SLC14A2: variants seen among roughly 807,000 people sequenced by gnomAD.
The protein encoded by SLC14A2 is urea transporter 2.
SLC14A2 carries 91 observed loss-of-function variants against 104.6 expected under a neutral mutation model. That is an observed-to-expected ratio of 0.87 (90% CI 0.73 to 1.04). The LOEUF is 1.04. Ranked by LOEUF, SLC14A2 falls within the 50% of genes least tolerant of loss-of-function variation. The probability of loss-of-function intolerance (pLI) is 0.00; values close to 1 mark genes in which losing one functional copy is unlikely to be tolerated. For synonymous variants in SLC14A2, 476 were observed against 466.4 expected (o/e 1.02, Z -0.27); for missense variants, 1,189 against 1,156.0 (o/e 1.03, Z -0.41).
intron 1 of SLC14A2, among the ~76,000 whole-genome samples, chr18:45,424,651 A>T (rs1287974453): frequency 6.6e-6 from 1 of 152,216 alleles, no homozygotes; most frequent in Non-Finnish European, 1.5e-5. Flanking sequence ...TGACTTTCAA[A>T]CATGCTGTGA....
At chr18:45,457,243 T>C (rs1299192980) in intron 1 of SLC14A2, among the ~76,000 whole-genome samples, 1 of 151,906 alleles carries the variant, frequency 6.6e-6, no homozygotes, top group Non-Finnish European at 1.5e-5. Context: ...ATCAATAGAG[T>C]ACAGTAAACA....
the SLC14A2 span, among the ~76,000 whole-genome samples, chr18:45,189,549 T>C: frequency 6.6e-6 from 1 of 152,214 alleles, no homozygotes. Flanking sequence ...AGTAGAATGA[T>C]TGAGACGCTG....
At chr18:45,275,153 G>C (rs1376983800) in intron 1 of SLC14A2, among the ~76,000 whole-genome samples, 1 of 152,146 alleles carries the variant, frequency 6.6e-6, no homozygotes, top group Non-Finnish European at 1.5e-5. Context: ...ACATGTGGTA[G>C]TTTCACATTT....
intron 1 of SLC14A2, among the ~76,000 whole-genome samples, chr18:45,406,550 C>T (rs746129023): frequency 1.3e-5 from 2 of 152,146 alleles, no homozygotes; most frequent in Non-Finnish European, 2.9e-5. Flanking sequence ...AGTGAATCCT[C>T]TCCAGAAGGT....
At chr18:45,577,594 A>G (rs1198238059) in intron 2 of SLC14A2, among the ~76,000 whole-genome samples, 2 of 152,176 alleles carry the variant, frequency 1.3e-5, no homozygotes, top group African/African-American at 4.8e-5. Flanking sequence ...TGCTAAATCC[A>G]ATTGCCCATC....
intron 1 of SLC14A2, among the ~76,000 whole-genome samples, chr18:45,393,387 A>G (rs532129296): frequency 4.5e-4 from 69 of 152,288 alleles, no homozygotes; most frequent in African/African-American, 1.6e-3. Context: ...CCCTTGATCA[A>G]AGCCTTGTCC....
chr18:45,295,250 G>A (rs546961922), intron 1 of SLC14A2, among the ~76,000 whole-genome samples: 1 of 152,126 alleles, frequency 6.6e-6, no homozygotes, highest in Admixed American at 6.5e-5. Context: ...GTTCCCCATT[G>A]TCCGTTCACA....
chr18:45,237,174 T>A (rs893531092), intron 1 of SLC14A2, among the ~76,000 whole-genome samples: 24 of 152,170 alleles, frequency 1.6e-4, no homozygotes, highest in African/African-American at 5.6e-4. Flanking sequence ...GCAGCTCAAC[T>A]GGGGCTCGCC....
chr18:45,615,709 C>T (rs2045054208), intron 1 of SLC14A2, 127 bp downstream of exon 1: 1 of 151,556 alleles, frequency 6.6e-6, no homozygotes, highest in Non-Finnish European at 1.5e-5. Context: ...GGTATTCTGT[C>T]TCCACTGTGC....
At chr18:45,682,269 T>G in intron 19 of SLC14A2, 50 bp from the exon 20 acceptor site, 1 of 1,552,042 alleles carries the variant, frequency 6.4e-7, no homozygotes, top group Non-Finnish European at 8.9e-7. Flanking sequence ...CTGATTAAAA[T>G]GCACAGGCAC....
At position 45,289,751 on chromosome 18, in the gene SLC14A2, A is replaced by G. The variant is rs975526569; in HGVS notation, c.-125+76560A>G. 7.2e-5 allele frequency among the ~76,000 whole-genome samples: 11 copies of G among 152,256 alleles called. No individual in the cohort carries two copies. The East Asian group carries it at 2.1e-3, about 29-fold the overall frequency. ...AGGTGGTGTCTGTTCCCCTGGATGA[A>G]ATGTTAAGTCCCAAAGACTGTCCTA... On this transcript the variant is annotated intron_variant, in intron 1 of 20. Transcript: ENST00000586448.
At chr18:45,170,968 G>A in the SLC14A2 span, among the ~76,000 whole-genome samples, 2 of 152,024 alleles carry the variant, frequency 1.3e-5, no homozygotes, top group African/African-American at 4.8e-5. Context: ...AATCTAGTTA[G>A]GGAAATCAGA....
At chr18:45,669,197 C>T (rs376987600) in intron 15 of SLC14A2, 109 bp from the exon 16 acceptor site, 9 of 860,636 alleles carry the variant, frequency 1.0e-5, no homozygotes, top group Middle Eastern at 3.6e-4. Flanking sequence ...AGAGAATACC[C>T]AGCAGGCTGC....
At chr18:45,294,876 G>A (rs923710865) in intron 1 of SLC14A2, among the ~76,000 whole-genome samples, 1 of 152,122 alleles carries the variant, frequency 6.6e-6, no homozygotes, top group Non-Finnish European at 1.5e-5. Flanking sequence ...ATGCAGTTTG[G>A]GGAACCCAGT....
chr18:45,426,915 A>C (rs533561632), intron 1 of SLC14A2, among the ~76,000 whole-genome samples: 1 of 152,228 alleles, frequency 6.6e-6, no homozygotes, highest in South Asian at 2.1e-4. Context: ...AAATACATCC[A>C]TCTGCTCTTT....
chr18:45,591,346 G>GT (rs1555710806), intron 2 of SLC14A2, among the ~76,000 whole-genome samples: 3 of 152,122 alleles, frequency 2.0e-5, no homozygotes. Flanking sequence ...GTTTTGTTTT[G>GT]TTTTTTTGAG....
chr18:45,235,166 G>C (rs2084212744), intron 1 of SLC14A2, among the ~76,000 whole-genome samples: 1 of 152,138 alleles, frequency 6.6e-6, no homozygotes, highest in African/African-American at 2.4e-5. Flanking sequence ...CTTATAGTAT[G>C]CTTACCTGGA....
chr18:45,171,989 T>A, the SLC14A2 span, among the ~76,000 whole-genome samples: 282 of 152,286 alleles, frequency 1.9e-3, 1 homozygote, highest in Non-Finnish European at 2.5e-3. Flanking sequence ...TTCTGGTAGT[T>A]GTTATTTTCC....
rs549958253 is a variant in SLC14A2, at chr18:45,463,390, C to T, written c.-124-19843C>T. Among the ~76,000 whole-genome samples, 6 of 152,282 alleles carry T rather than the reference C, an allele frequency of 3.9e-5. No homozygotes were observed. The East Asian group carries it at 1.2e-3, about 29-fold the overall frequency. ...ACACAGATGACAAAGATGATCCCTA[C>T]TTAATGGGGTGATGGTGAGGATTAA... On this transcript the variant is annotated intron_variant, in intron 1 of 20. Transcript: ENST00000586448.
Sources: allele counts gnomAD v4.1 joint callset (sites outside exome capture counted in the v4.1 genomes callset), GRCh38; gene constraint gnomAD v4.1.1; transcripts MANE v1.5; gene names NCBI Gene and HGNC (gene_info 2026-07-23, HGNC 2026-07-21).